Variants in LCLAT1 observed in about 807,000 individuals in gnomAD.
LCLAT1 encodes lysocardiolipin acyltransferase 1.
A neutral mutation model predicts 30.7 loss-of-function variants in LCLAT1; 11 were observed. The observed-to-expected ratio is 0.36, with a 90% confidence interval of 0.23 to 0.59. The LOEUF is 0.59. LCLAT1 is among the 20% of genes least tolerant of loss of function. LCLAT1 has a pLI of 0.77. For missense variants in LCLAT1, 402 were observed against 458.6 expected (o/e 0.88, Z 1.13); for synonymous variants, 155 against 151.3 (o/e 1.02, Z -0.18).
chr2:30,576,965 T>C (rs149805429), intron 5 of LCLAT1, among the ~76,000 whole-genome samples: 48 of 151,968 alleles, frequency 3.2e-4, no homozygotes, highest in African/African-American at 1.1e-3. Flanking sequence ...TATACCTCAC[T>C]TGTAAAAAAT....
intron 1 of LCLAT1, among the ~76,000 whole-genome samples, chr2:30,481,724 T>C (rs548586018): frequency 6.6e-5 from 10 of 152,096 alleles, no homozygotes; most frequent in Non-Finnish European, 1.0e-4. Flanking sequence ...GGGAAGTTGA[T>C]TGAGGAGGGA....
chr2:30,636,335 A>G (rs1456819556), intron 5 of LCLAT1, among the ~76,000 whole-genome samples: 1 of 152,152 alleles, frequency 6.6e-6, no homozygotes, highest in Non-Finnish European at 1.5e-5. Context: ...AATGTGATTT[A>G]CCCTGACTAC....
At chr2:30,480,850 A>G (rs781329753) in intron 1 of LCLAT1, among the ~76,000 whole-genome samples, 2 of 152,226 alleles carry the variant, frequency 1.3e-5, no homozygotes, top group Non-Finnish European at 2.9e-5. Context: ...CAACTACAGA[A>G]CTATAGAACT....
intron 5 of LCLAT1, among the ~76,000 whole-genome samples, chr2:30,577,980 G>A (rs756810613): frequency 7.9e-5 from 12 of 151,982 alleles, no homozygotes; most frequent in Non-Finnish European, 1.6e-4. Flanking sequence ...ACACTACATG[G>A]GTATTTGTAA....
intron 1 of LCLAT1, among the ~76,000 whole-genome samples, chr2:30,458,496 GC>G (rs1214842318): frequency 1.3e-5 from 2 of 152,180 alleles, no homozygotes; most frequent in African/African-American, 2.4e-5. Context: ...AGTTTCAAGA[GC>G]AATTTTTGGA....
At chr2:30,490,074 A>T (rs946606594) in intron 1 of LCLAT1, among the ~76,000 whole-genome samples, 1 of 152,112 alleles carries the variant, frequency 6.6e-6, no homozygotes, top group Admixed American at 6.5e-5. Context: ...TACTGCTATT[A>T]TCACCCCTAT....
intron 1 of LCLAT1, among the ~76,000 whole-genome samples, chr2:30,480,007 T>G (rs1176284897): frequency 6.6e-6 from 1 of 152,186 alleles, no homozygotes; most frequent in East Asian, 1.9e-4. Context: ...CTTTCATCCT[T>G]TTATACTGTA....
At chr2:30,639,701 T>C (rs565724403) in intron 5 of LCLAT1, among the ~76,000 whole-genome samples, 1 of 152,320 alleles carries the variant, frequency 6.6e-6, no homozygotes, top group East Asian at 1.9e-4. Flanking sequence ...CGTGGTAACA[T>C]TGGGTTAAAG....
chr2:30,633,291 A>G (rs1035091896), intron 5 of LCLAT1, among the ~76,000 whole-genome samples: 3 of 152,228 alleles, frequency 2.0e-5, no homozygotes, highest in Admixed American at 6.5e-5. Context: ...ACTTAACTCA[A>G]AACTCTAATC....
chr2:30,513,046 G>T (rs1201327049), intron 1 of LCLAT1, among the ~76,000 whole-genome samples: 1 of 152,000 alleles, frequency 6.6e-6, no homozygotes, highest in Non-Finnish European at 1.5e-5. Context: ...TTAGTAGCAG[G>T]ATAGAAAAAT....
intron 5 of LCLAT1, among the ~76,000 whole-genome samples, chr2:30,581,269 C>G (rs1666203007): frequency 6.6e-6 from 1 of 152,168 alleles, no homozygotes; most frequent in Non-Finnish European, 1.5e-5. Context: ...GTACTCCCAT[C>G]TCTTCTGCCT....
chr2:30,544,509 C>G (rs981239330), intron 3 of LCLAT1, among the ~76,000 whole-genome samples: 1 of 152,152 alleles, frequency 6.6e-6, no homozygotes, highest in Non-Finnish European at 1.5e-5. Context: ...TAAAAATATT[C>G]TGTTTCCAGT....
chr2:30,516,140 C>T (rs917401854), intron 1 of LCLAT1, among the ~76,000 whole-genome samples: 2 of 152,160 alleles, frequency 1.3e-5, no homozygotes, highest in African/African-American at 2.4e-5. Flanking sequence ...AGTCATCTAT[C>T]GCCTGAGAGC....
rs1381822154 is a variant in LCLAT1 at position 30,643,573 on chromosome 2, G to A, written c.*2954G>A. The A allele has an allele frequency of 6.6e-6, 1 of 152,490 alleles. No individual in the cohort carries two copies. Among genetic ancestry groups the A allele is most frequent in the Non-Finnish European group, 1.5e-5 (1 of 68,028 alleles). 9.4% of individuals were successfully genotyped at this position (152,490 alleles called of 1,614,324 possible). ...TCACTTTGAAATAGTTAATTCAACA[G>A]CACCATGTTAGAAATATATTGGCAG... is the stretch of plus-strand genomic sequence containing the variant. On this transcript the variant is annotated 3_prime_UTR_variant, in exon 6 of 6. Coordinates refer to ENST00000379509, the MANE Select transcript of LCLAT1 (RefSeq NM_001002257.3).
intron 5 of LCLAT1, among the ~76,000 whole-genome samples, chr2:30,592,687 A>T (rs1666749697): frequency 6.6e-6 from 1 of 152,224 alleles, no homozygotes; most frequent in Non-Finnish European, 1.5e-5. Context: ...CATCTATTTA[A>T]ATATATTTAG....
At chr2:30,558,889 C>T (rs1443606213) in intron 3 of LCLAT1, among the ~76,000 whole-genome samples, 2 of 152,008 alleles carry the variant, frequency 1.3e-5, no homozygotes, top group East Asian at 1.9e-4. Flanking sequence ...TCAGGTTTAA[C>T]GAAAGACAGG....
intron 5 of LCLAT1, among the ~76,000 whole-genome samples, chr2:30,583,773 A>C (rs749367640): frequency 7.2e-5 from 11 of 152,074 alleles, no homozygotes; most frequent in Non-Finnish European, 1.5e-4. Context: ...TCAGGCTTCT[A>C]ATTATTGGTA....
intron 5 of LCLAT1, among the ~76,000 whole-genome samples, chr2:30,638,643 A>G (rs4952166): frequency 0.44 from 66,300 of 152,048 alleles, 15,217 homozygotes; most frequent in East Asian, 0.76. Flanking sequence ...TCTTATAAAG[A>G]ATTGGATTAA....
chr2:30,505,390 T>A (rs1558482300), intron 1 of LCLAT1, among the ~76,000 whole-genome samples: 1 of 151,982 alleles, frequency 6.6e-6, no homozygotes, highest in Non-Finnish European at 1.5e-5. Context: ...ATTGTTTTAA[T>A]TTGCATTTTC....
Sources: allele counts gnomAD v4.1 joint callset (sites outside exome capture counted in the v4.1 genomes callset), GRCh38; gene constraint gnomAD v4.1.1; transcripts MANE v1.5; gene names NCBI Gene and HGNC (gene_info 2026-07-23, HGNC 2026-07-21).